The following THSD1 variants were observed in gnomAD, a reference collection of about 807,000 sequenced individuals.
The protein encoded by THSD1 is thrombospondin type-1 domain-containing protein 1.
THSD1 carries 34 observed loss-of-function variants against 46.3 expected under a neutral mutation model. The ratio of observed to expected loss-of-function variants is 0.74; its 90% CI spans 0.56 to 0.98. The LOEUF is 0.98. THSD1 is among the 50% of genes least tolerant of loss of function. THSD1 has a pLI of 0.00. For synonymous variants in THSD1, 407 were observed against 416.5 expected, an observed-to-expected ratio of 0.98 and a Z score of 0.28; for missense variants, 1,023 against 1,058.3, an observed-to-expected ratio of 0.97 and a Z score of 0.46.
intron 2 of THSD1, 77 bp from the exon 3 acceptor site, chr13:52,398,271 AT>A: frequency 4.0e-6 from 6 of 1,516,684 alleles, no homozygotes; most frequent in Non-Finnish European, 5.3e-6. Flanking sequence ...TGAAAACAGA[AT>A]TTTTAAATTT....
At chr13:52,383,443 C>G (rs1323119759) in intron 4 of THSD1, among the ~76,000 whole-genome samples, 1 of 152,234 alleles carries the variant, frequency 6.6e-6, no homozygotes, top group African/African-American at 2.4e-5. Context: ...TCTGAACTCC[C>G]AAACAAGTAA....
At chr13:52,395,123 T>G (rs1380656538) in intron 3 of THSD1, among the ~76,000 whole-genome samples, 4 of 152,222 alleles carry the variant, frequency 2.6e-5, no homozygotes, top group African/African-American at 7.2e-5. Context: ...TGCATCCTCA[T>G]GCCTAGTGAA....
In THSD1 at chr13:52,402,468, A is replaced by G. The variant is rs1594105357; in HGVS notation, c.58+75T>C. The G allele has an allele frequency of 2.1e-6, 3 of 1,439,596 alleles. No individual in the cohort carries two copies. The East Asian group carries it at 6.8e-5, about 33-fold the overall frequency. The allele number at this position is 1,439,596 out of a possible 1,614,324, so 89.2% of individuals were successfully genotyped here. ...CCTGCCTCCTTCAGGAAGAGTCATC[A>G]ACATCAATGCATTTATAATGTCATC... On this transcript the variant is annotated intron_variant, in intron 2 of 4. Transcript: ENST00000258613.
chr13:52,383,571 C>T (rs917293497), intron 4 of THSD1, among the ~76,000 whole-genome samples: 15 of 152,322 alleles, frequency 9.8e-5, no homozygotes, highest in African/African-American at 3.4e-4. Context: ...CTTCACTTGA[C>T]TCTGTTATCT....
chr13:52,383,429 A>G (rs1329460795), intron 4 of THSD1, among the ~76,000 whole-genome samples: 1 of 152,228 alleles, frequency 6.6e-6, no homozygotes. Flanking sequence ...AAGCCAAACC[A>G]ACCTCTGAAC....
chr13:52,384,378 T>G, intron 4 of THSD1: 1 of 455,990 alleles, frequency 2.2e-6, no homozygotes, highest in Non-Finnish European at 4.4e-6. Context: ...TCTAGCTTCA[T>G]GATCTTGGAC....
intron 4 of THSD1, 89 bp downstream of exon 4, chr13:52,385,939 G>T: frequency 8.1e-7 from 1 of 1,237,334 alleles, no homozygotes; most frequent in Non-Finnish European, 1.1e-6. Context: ...CCTGATCTTA[G>T]ACTGGTAACT....
chr13:52,382,715 C>T (rs4347509), intron 4 of THSD1, among the ~76,000 whole-genome samples: 4 of 152,148 alleles, frequency 2.6e-5, no homozygotes, highest in African/African-American at 7.2e-5. Context: ...AATATCACCT[C>T]CTTGGCCGGG....
intron 3 of THSD1, among the ~76,000 whole-genome samples, chr13:52,388,726 C>T (rs1957751683): frequency 6.6e-6 from 1 of 152,108 alleles, no homozygotes; most frequent in Admixed American, 6.5e-5. Context: ...GGTGATCTGC[C>T]CACCTCGGCC....
At position 52,378,243 on chromosome 13, in the gene THSD1, C is replaced by A. The variant is rs1001585757; in HGVS notation, c.1727G>T (p.Ser576Ile). The A allele has an allele frequency of 6.2e-7, 1 of 1,614,200 alleles. No homozygotes were observed. Among genetic ancestry groups the A allele is most frequent in the Admixed American group, 1.7e-5 (1 of 60,018 alleles). ...CTTGTTTGCTGCAGCTTCTTCCGGG[C>A]TTTCCAAATCTAAGGGAGCGCTGGG... ...AAPSAPLDLE[S>I]PEEAAANKFR... is the part of the protein sequence containing the mutation. Residue 576 changes from serine to isoleucine, a missense_variant, in exon 5 of 5, where the codon AGC becomes ATC. Transcript: ENST00000258613.
In THSD1 at chr13:52,378,803, C is replaced by A. The variant is rs1422617739; in HGVS notation, c.1181-14G>T. The A allele has an allele frequency of 1.1e-5, 16 of 1,522,142 alleles. No homozygotes were observed. The highest frequency in any genetic ancestry group is 5.7e-5 in the African/African-American group (4 of 70,174). 94.3% of individuals were successfully genotyped at this position (1,522,142 alleles called of 1,614,324 possible). A position where few individuals can be genotyped will look rare whatever the true frequency, so the allele number is the denominator to read the frequency against. On this transcript the variant is annotated splice_polypyrimidine_tract_variant and intron_variant, in intron 4 of 4. Transcript: ENST00000258613. ...ATGGCTGGAAAGCTGCAAAAAAAAA[C>A]AAAACAAAACAAACAAACAAAAAAC... is the stretch of plus-strand genomic sequence containing the variant.
chr13:52,377,752 G>A lies in THSD1; in HGVS notation c.2218C>T (p.Leu740Phe). Residue 740 changes from leucine to phenylalanine, a missense_variant, in exon 5 of 5, where the codon CTT becomes TTT. By Grantham distance (22) the Leu-to-Phe change is conservative (BLOSUM62 0). Around this residue, in one of 3 missense-constraint regions of THSD1, gnomAD observed 578 missense variants for 497.4 expected, o/e 1.16. Transcript: ENST00000258613. ...TLGQPLRKPD[L>F]GDHQAGLVAG... ...ACTAATCCTGCCTGGTGATCCCCAA[G>A]GTCTGGTTTCCTCAAGGGCTGCCCC... The A allele has an allele frequency of 1.9e-6, 3 of 1,614,136 alleles. No homozygotes were observed. The highest frequency in any genetic ancestry group is 1.1e-5 in the South Asian group (1 of 91,080).
rs115265699 is a variant in THSD1, at chr13:52,388,046, C to T, written c.1022-1860G>A. 5.8e-3 allele frequency among the ~76,000 whole-genome samples: 876 copies of T among 152,070 alleles called. 5 individuals are homozygous for T. The highest frequency in any genetic ancestry group is 0.02 in the African/African-American group (847 of 41,486). ...AAACCAAAAAGTTTGAAGGCTGTGGCTGAAGGGTGGGAGAATATACCACCA... is the reference window on the plus strand; with the variant it reads ...AAACCAAAAAGTTTGAAGGCTGTGGTTGAAGGGTGGGAGAATATACCACCA... On this transcript the variant is annotated intron_variant, in intron 3 of 4. Transcript: ENST00000258613.
In THSD1 at chr13:52,398,159, G is replaced by A; in HGVS notation, c.94C>T (p.Pro32Ser). Residue 32 changes from proline (P) to serine (S), a missense_variant, in exon 3 of 5, where the codon CCA becomes TCA. By Grantham distance (74) the Pro-to-Ser change is moderately conservative. Coordinates refer to ENST00000258613, the MANE Select transcript of THSD1 (RefSeq NM_018676.4). Reference protein sequence around the residue: ...GEAEYLLLREPGHVALSNDTV... With the variant: ...GEAEYLLLRESGHVALSNDTV... ...TCGTTGCTTAGTGCTACATGGCCTG[G>A]CTCTCTCAAGAGAAGATATTCAGCT... 6.2e-7 allele frequency: 1 copy of A among 1,614,010 alleles called. No homozygotes were observed. The highest frequency in any genetic ancestry group is 8.5e-7 in the Non-Finnish European group (1 of 1,179,952).
At chr13:52,387,356 G>GTAT (rs1780566730) in intron 3 of THSD1, among the ~76,000 whole-genome samples, 2 of 152,132 alleles carry the variant, frequency 1.3e-5, no homozygotes, top group South Asian at 4.1e-4. Flanking sequence ...AAAAACAGAG[G>GTAT]TATGACCATT....
chr13:52,384,380 A>C (rs569042006), intron 4 of THSD1: 6 of 455,910 alleles, frequency 1.3e-5, no homozygotes, highest in African/African-American at 1.2e-4. Flanking sequence ...TAGCTTCATG[A>C]TCTTGGACAG....
chr13:52,391,415 G>T (rs1162724572), intron 3 of THSD1, among the ~76,000 whole-genome samples: 2 of 151,714 alleles, frequency 1.3e-5, no homozygotes, highest in African/African-American at 4.8e-5. Flanking sequence ...ATGGGTTTTT[G>T]CTATGTTGCC....
chr13:52,389,967 C>T (rs1957761145), intron 3 of THSD1, among the ~76,000 whole-genome samples: 1 of 151,848 alleles, frequency 6.6e-6, no homozygotes, highest in African/African-American at 2.4e-5. Flanking sequence ...TAGCAAAAAC[C>T]CATCTCTACA....
At chr13:52,383,817 G>A (rs1957709812) in intron 4 of THSD1, among the ~76,000 whole-genome samples, 1 of 152,134 alleles carries the variant, frequency 6.6e-6, no homozygotes, top group African/African-American at 2.4e-5. Context: ...AATATCTGAG[G>A]ACCATTTACA....
Sources: allele counts gnomAD v4.1 joint callset (sites outside exome capture counted in the v4.1 genomes callset), GRCh38; gene constraint gnomAD v4.1.1; regional missense constraint gnomAD v4.1.1; transcripts MANE v1.5; gene names NCBI Gene and HGNC (gene_info 2026-07-23, HGNC 2026-07-21).